R3HDM2: variants seen among roughly 807,000 people sequenced by gnomAD.
The protein encoded by R3HDM2 is R3H domain containing 2.
Under a neutral mutation model 124.5 loss-of-function variants are expected in R3HDM2, and 38 were observed. The observed-to-expected ratio is 0.31, with a 90% CI of 0.24 to 0.40. The LOEUF (loss-of-function observed/expected upper bound fraction) is 0.40. Among genes scored for constraint, R3HDM2 ranks in the 10% least tolerant of loss-of-function variants. The pLI, the probability that R3HDM2 is intolerant of heterozygous loss-of-function variation, is 1.00. For synonymous variants in R3HDM2, 391 were observed against 448.0 expected (o/e 0.87, Z 1.61); for missense variants, 869 against 1,236.9 (o/e 0.70, Z 4.46).
At chr12:57,348,403 G>A (rs1016057211) in intron 2 of R3HDM2, among the ~76,000 whole-genome samples, 5 of 151,684 alleles carry the variant, frequency 3.3e-5, no homozygotes, top group South Asian at 2.1e-4. Flanking sequence ...TCATCTCTAC[G>A]AAAAATAGGG....
At position 57,299,155 on chromosome 12, in the gene R3HDM2, G is replaced by C. The variant is rs187209753; in HGVS notation, c.421+197C>G. The stretch of plus-strand genomic sequence containing the variant: ...TAATGCCAATGCAGATGGAGTAGCT[G>C]TCTGTGGCATGTGAGCTCCTAAGGC... On this transcript the variant is annotated intron_variant, in intron 6 of 23. Coordinates refer to ENST00000402412, the MANE Select transcript of R3HDM2 (RefSeq NM_001394031.1). Among the ~76,000 whole-genome samples the C allele has an allele frequency of 2.0e-5, 3 of 152,284 alleles. No individual in the cohort carries two copies. In the East Asian group the frequency reaches 5.8e-4, roughly 29 times the overall value.
chr12:57,387,085 T>A (rs139748174), intron 2 of R3HDM2, among the ~76,000 whole-genome samples: 1,744 of 152,140 alleles, frequency 0.011, 31 homozygotes, highest in African/African-American at 0.039. Flanking sequence ...GGACTGTAAA[T>A]GCACCAATCA....
intron 1 of R3HDM2, among the ~76,000 whole-genome samples, chr12:57,423,501 G>A (rs1416290092): frequency 6.6e-6 from 1 of 151,716 alleles, no homozygotes; most frequent in Non-Finnish European, 1.5e-5. Flanking sequence ...TGGTTGCTGG[G>A]AGCTGTCTCT....
At chr12:57,328,543 G>A (rs1378015290) in intron 2 of R3HDM2, among the ~76,000 whole-genome samples, 1 of 151,064 alleles carries the variant, frequency 6.6e-6, no homozygotes, top group East Asian at 2.0e-4. Flanking sequence ...TCTTTGTTTT[G>A]AGACAGGGTC....
In R3HDM2 at chr12:57,256,393, GTT is replaced by G. The variant is rs745632297; in HGVS notation, c.2547+19_2547+20del. 2.5e-5 allele frequency: 38 copies of G among 1,522,646 alleles called. No individual in the cohort carries two copies. Among genetic ancestry groups the G allele is most frequent in the Non-Finnish European group, 2.6e-5 (29 of 1,122,024 alleles). 94.3% of individuals were successfully genotyped at this position (1,522,646 alleles called of 1,614,324 possible). On this transcript the variant is annotated intron_variant, in intron 22 of 23. Transcript: ENST00000402412. ...AGAAGAGGGGTCTGATGGCCCTACA[GTT>G]GCTGGTGGACACCCTTACCTGGTGC...
intron 1 of R3HDM2, among the ~76,000 whole-genome samples, chr12:57,398,797 C>T (rs11613352): frequency 0.19 from 28,451 of 152,144 alleles, 3,139 homozygotes; most frequent in Admixed American, 0.28. Context: ...CCCTCTCTTC[C>T]TTTCTCAGAA....
chr12:57,410,852 C>G (rs148274857), intron 1 of R3HDM2, among the ~76,000 whole-genome samples: 1 of 151,876 alleles, frequency 6.6e-6, no homozygotes, highest in Non-Finnish European at 1.5e-5. Flanking sequence ...GACTCTGTCT[C>G]TAAATAAATA....
rs141373211 is a variant in R3HDM2 at position 57,267,494 on chromosome 12, G to A, written c.2031-663C>T. ...TGCTTGAACCCAGGAGGTAGAGGTT[G>A]CAGTGAGCTGAGATTGTCATTGTAC... On this transcript the variant is annotated intron_variant, in intron 18 of 23. Coordinates refer to ENST00000402412, the MANE Select transcript of R3HDM2 (RefSeq NM_001394031.1). Among the ~76,000 whole-genome samples the A allele has an allele frequency of 2.6e-5, 4 of 152,350 alleles. No homozygotes were observed. The East Asian group carries it at 7.7e-4, about 29-fold the overall frequency.
At chr12:57,345,228 CAGA>C (rs1466634110) in intron 2 of R3HDM2, among the ~76,000 whole-genome samples, 1 of 151,918 alleles carries the variant, frequency 6.6e-6, no homozygotes. Flanking sequence ...ATTAGAGTCC[CAGA>C]AGGTGAGGAG....
chr12:57,430,585 T>C, intron 1 of R3HDM2, 135 bp downstream of exon 1: 2 of 983,666 alleles, frequency 2.0e-6, no homozygotes, highest in South Asian at 9.4e-5. Context: ...CCCTGACCCA[T>C]CGTCCCCGGG....
chr12:57,420,105 T>A (rs1051030557), intron 1 of R3HDM2, among the ~76,000 whole-genome samples: 1 of 152,182 alleles, frequency 6.6e-6, no homozygotes, highest in African/African-American at 2.4e-5. Flanking sequence ...AAGGGGATAA[T>A]AATTCTACCC....
At chr12:57,279,811 A>G (rs116266778) in intron 14 of R3HDM2, among the ~76,000 whole-genome samples, 1,535 of 152,206 alleles carry the variant, frequency 0.01, 19 homozygotes, top group African/African-American at 0.036. Context: ...CAGTCCAGCA[A>G]CAGAAGGAGA....
At chr12:57,255,876 G>T in intron 23 of R3HDM2, 114 bp downstream of exon 23, 2 of 819,422 alleles carry the variant, frequency 2.4e-6, no homozygotes, top group Non-Finnish European at 3.9e-6. Flanking sequence ...GAGCACAAAG[G>T]GTCCCACTTC....
At chr12:57,364,897 G>A (rs2062422429) in intron 2 of R3HDM2, among the ~76,000 whole-genome samples, 1 of 139,098 alleles carries the variant, frequency 7.2e-6, no homozygotes, top group African/African-American at 2.7e-5. Flanking sequence ...AGGTTGCAGC[G>A]AGCCGAGATC....
intron 2 of R3HDM2, among the ~76,000 whole-genome samples, chr12:57,353,563 T>C (rs906372802): frequency 1.8e-4 from 27 of 152,254 alleles, no homozygotes; most frequent in African/African-American, 5.8e-4. Context: ...AATATCTGGG[T>C]TGTTTCCCAT....
intron 14 of R3HDM2, 62 bp from the exon 15 acceptor site, chr12:57,270,056 A>C: frequency 6.3e-7 from 1 of 1,575,872 alleles, no homozygotes; most frequent in Non-Finnish European, 8.7e-7. Flanking sequence ...TTTGGCTTCA[A>C]CATAGACAGA....
intron 2 of R3HDM2, among the ~76,000 whole-genome samples, chr12:57,321,335 C>A (rs1484649753): frequency 6.6e-6 from 1 of 152,194 alleles, no homozygotes; most frequent in African/African-American, 2.4e-5. Context: ...CTCAACCTTA[C>A]TGTACATACT....
In R3HDM2 at chr12:57,415,609, T is replaced by C. The variant is rs111283129; in HGVS notation, c.-106+15111A>G. 4.4e-3 allele frequency among the ~76,000 whole-genome samples: 674 copies of C among 151,578 alleles called. 4 individuals carry two copies. The highest frequency in any genetic ancestry group is 7.6e-3 in the Non-Finnish European group (514 of 67,916). ...AAAAAAAAAAAAGCAGAAAGATTCCTTTACAATGAAGAAATCTAGCAGATA... is the reference window on the plus strand; with the variant it reads ...AAAAAAAAAAAAGCAGAAAGATTCCCTTACAATGAAGAAATCTAGCAGATA... On this transcript the variant is annotated intron_variant, in intron 1 of 23. Transcript: ENST00000402412.
chr12:57,378,411 G>T (rs1776956273), intron 2 of R3HDM2, among the ~76,000 whole-genome samples: 1 of 151,986 alleles, frequency 6.6e-6, no homozygotes, highest in Non-Finnish European at 1.5e-5. Flanking sequence ...ACAGGGTCTT[G>T]CTCTGTTGTC....
Sources: gnomAD v4.1 joint callset for allele counts (sites outside exome capture counted in the v4.1 genomes callset) on GRCh38, gnomAD v4.1.1 for gene constraint, MANE v1.5 for transcripts, NCBI Gene and HGNC (gene_info 2026-07-23, HGNC 2026-07-21) for gene names.